The following HEMK1 variants were observed in gnomAD, a reference collection of about 807,000 sequenced individuals.
HEMK1 encodes the protein HemK methyltransferase 1, mitochondrial release factors N(5)-glutamine.
HEMK1 carries 36 observed loss-of-function variants against 47.9 expected under a neutral mutation model. The observed-to-expected ratio is 0.75, with a 90% CI of 0.58 to 0.99. HEMK1 has a LOEUF of 0.99. Ranked by LOEUF, HEMK1 falls within the 50% of genes least tolerant of loss-of-function variation. HEMK1 has a pLI of 0.00. For synonymous variants in HEMK1, 153 were observed against 165.4 expected, an observed-to-expected ratio of 0.93 and a Z score of 0.57; for missense variants, 383 against 434.5, an observed-to-expected ratio of 0.88 and a Z score of 1.05.
At chr3:50,579,771 C>A in intron 8 of HEMK1, 73 bp from the exon 9 acceptor site, 2 of 1,077,604 alleles carry the variant, frequency 1.9e-6, no homozygotes, top group Non-Finnish European at 2.8e-6. Context: ...TTCATGGAGG[C>A]CTTGCCCATG....
chr3:50,577,344 A>C (rs1360020056), intron 5 of HEMK1, among the ~76,000 whole-genome samples, 158 bp downstream of exon 5: 1 of 152,226 alleles, frequency 6.6e-6, no homozygotes, highest in Non-Finnish European at 1.5e-5. Context: ...CACAGACTCT[A>C]ACGCCTACCA....
rs932882802 is a variant in HEMK1, at chr3:50,584,582, C to G, written c.*4165C>G. ...AATGGAAGCAGAGGTCAGAGTGATGCAATTGCTGGAGGAAGAGCCATGAGC... is the reference window on the plus strand; with the variant it reads ...AATGGAAGCAGAGGTCAGAGTGATGGAATTGCTGGAGGAAGAGCCATGAGC... On this transcript the variant is annotated 3_prime_UTR_variant, in exon 11 of 11. Transcript: ENST00000232854. 6.6e-6 allele frequency: 1 copy of G among 152,142 alleles called. No homozygotes were observed. The highest frequency in any genetic ancestry group is 2.4e-5 in the African/African-American group (1 of 41,414). The allele number at this position is 152,142 out of a possible 1,614,324, so 9.4% of individuals were successfully genotyped here.
chr3:50,577,831 G>A lies in HEMK1; in HGVS notation c.620G>A (p.Arg207Gln), dbSNP rs149994034. Residue 207 changes from arginine to glutamine, a missense_variant, in exon 7 of 11, where the codon CGG (arginine) becomes CAG (glutamine). Transcript: ENST00000232854. ...SLTHENAQRL[R>Q]LQDRIWIIHL... is the part of the protein sequence containing the mutation. ...CTTTCTCCCTGTCTGTGTAGGCTTC[G>A]GTTGCAGGACAGGATTTGGATCATC... The A allele has an allele frequency of 6.2e-4, 999 of 1,614,038 alleles. 1 individual carries two copies. In the African/African-American group the frequency reaches 0.011, roughly 18 times the overall value.
In HEMK1 at chr3:50,592,121, GA is replaced by G. The variant is rs1311382540; in HGVS notation, c.*11708del. 2.0e-5 allele frequency: 3 copies of G among 151,186 alleles called. No individual in the cohort carries two copies. The highest frequency in any genetic ancestry group is 3.9e-4 in the East Asian group (2 of 5,168). 9.4% of individuals were successfully genotyped at this position (151,186 alleles called of 1,614,324 possible). A position where few individuals can be genotyped will look rare whatever the true frequency, so the allele number is the denominator to read the frequency against. ...GCATCAGAAAAAAAAAAAAAAGAAA[GA>G]AAAGAGAGCCAAAGCTCAGAGAGGG... is the stretch of plus-strand genomic sequence containing the variant. On this transcript the variant is annotated 3_prime_UTR_variant, in exon 11 of 11. Transcript: ENST00000232854.
rs1018709839 is a variant in HEMK1 at position 50,581,980 on chromosome 3, T to C, written c.*1563T>C. On this transcript the variant is annotated 3_prime_UTR_variant, in exon 11 of 11. Coordinates refer to ENST00000232854, the MANE Select transcript of HEMK1 (RefSeq NM_016173.5). ...ACCAGGGCAAGGCTCCCCACTTCCTTAGTCCCCCATGCTCACAGACCTTTG... is the reference window on the plus strand; with the variant it reads ...ACCAGGGCAAGGCTCCCCACTTCCTCAGTCCCCCATGCTCACAGACCTTTG... 2.0e-5 allele frequency: 3 copies of C among 152,328 alleles called. No homozygotes were observed. The highest frequency in any genetic ancestry group is 7.2e-5 in the African/African-American group (3 of 41,442). The allele number at this position is 152,328 out of a possible 1,614,324, so 9.4% of individuals were successfully genotyped here.
rs1187396812 is a variant in HEMK1, at chr3:50,594,533, G to C, written c.*14116G>C. On this transcript the variant is annotated 3_prime_UTR_variant, in exon 11 of 11. Transcript: ENST00000232854. ...CAGGCCCCCATCACAGTCTGGTGGG[G>C]TCCAAGCAGTTCACATCCCCTCTCA... The C allele has an allele frequency of 6.6e-6, 1 of 152,318 alleles. No individual in the cohort carries two copies. Among genetic ancestry groups the C allele is most frequent in the Non-Finnish European group, 1.5e-5 (1 of 68,090 alleles). 9.4% of individuals were successfully genotyped at this position (152,318 alleles called of 1,614,324 possible). A position where few individuals can be genotyped will look rare whatever the true frequency, so the allele number is the denominator to read the frequency against.
At position 50,592,259 on chromosome 3, in the gene HEMK1, C is replaced by G. The variant is rs913831473; in HGVS notation, c.*11842C>G. On this transcript the variant is annotated 3_prime_UTR_variant, in exon 11 of 11. Transcript: ENST00000232854. The stretch of plus-strand genomic sequence containing the variant: ...TGGCTTCATGCTTGGAGCTTGGCAC[C>G]CCCTGAGAACCACACTCCGTTGACC... The G allele has an allele frequency of 3.3e-5, 5 of 152,038 alleles. No individual in the cohort carries two copies. The East Asian group carries it at 9.6e-4, about 29-fold the overall frequency. The allele number at this position is 152,038 out of a possible 1,614,324, so 9.4% of individuals were successfully genotyped here.
Position 50,579,894 on chromosome 3 carries a change from T to A in HEMK1, c.821T>A (p.Ile274Asn). 6.2e-7 allele frequency: 1 copy of A among 1,614,044 alleles called. No homozygotes were observed. Among genetic ancestry groups the A allele is most frequent in the South Asian group, 1.1e-5 (1 of 91,074 alleles). ...GGTGGGGAGGAGGGCATGGACATCATTACCCACATTCTGGCCTTGGCACCC... is the reference window on the plus strand; with the variant it reads ...GGTGGGGAGGAGGGCATGGACATCAATACCCACATTCTGGCCTTGGCACCC... ...LDGGEEGMDI[I>N]THILALAPRL... The change falls in exon 9 of 11, where the codon ATT (isoleucine) becomes AAT (asparagine). Residue 274 changes from isoleucine (I) to asparagine (N), a missense_variant. Physicochemically the swap from Ile to Asn is moderately radical, Grantham distance 149 (BLOSUM62 -3). Transcript: ENST00000232854.
In HEMK1 at chr3:50,581,673, AG is replaced by A. The variant is rs2030828747; in HGVS notation, c.*1258del. ...TTCGCCAGGCATGGAGAGCAAGAGA[AG>A]GTATGTACTGCCTGAGGTCACATGA... On this transcript the variant is annotated 3_prime_UTR_variant, in exon 11 of 11. Coordinates refer to ENST00000232854, the MANE Select transcript of HEMK1 (RefSeq NM_016173.5). 1 of 152,264 alleles carries A rather than the reference AG, an allele frequency of 6.6e-6. No homozygotes were observed. The highest frequency in any genetic ancestry group is 2.1e-4 in the South Asian group (1 of 4,836). 9.4% of individuals were successfully genotyped at this position (152,264 alleles called of 1,614,324 possible). A position where few individuals can be genotyped will look rare whatever the true frequency, so the allele number is the denominator to read the frequency against.
chr3:50,577,249 C>A, intron 5 of HEMK1, 63 bp downstream of exon 5: 1 of 1,540,454 alleles, frequency 6.5e-7, no homozygotes, highest in Non-Finnish European at 8.8e-7. Flanking sequence ...CCCATTAGTG[C>A]TTCCCCCACA....
At chr3:50,572,609 C>T (rs1701129035) in intron 4 of HEMK1, among the ~76,000 whole-genome samples, 1 of 152,210 alleles carries the variant, frequency 6.6e-6, no homozygotes, top group Non-Finnish European at 1.5e-5. Flanking sequence ...ACCTGGAGAC[C>T]TGGTATCAGC....
At chr3:50,573,706 A>G (rs1181346052) in intron 4 of HEMK1, among the ~76,000 whole-genome samples, 2 of 152,238 alleles carry the variant, frequency 1.3e-5, no homozygotes, top group East Asian at 3.9e-4. Flanking sequence ...TGCCTTACCA[A>G]GAACTCAAGA....
rs1381179267 is a variant in HEMK1, at chr3:50,593,640, T to C, written c.*13223T>C. On this transcript the variant is annotated 3_prime_UTR_variant, in exon 11 of 11. Transcript: ENST00000232854. ...TTTATCTTATAACTGGACACCTTTTTGTTTTCTCTTACAAGATGTGCTTGT... is the reference window on the plus strand; with the variant it reads ...TTTATCTTATAACTGGACACCTTTTCGTTTTCTCTTACAAGATGTGCTTGT... The C allele has an allele frequency of 6.6e-6, 1 of 152,246 alleles. No homozygotes were observed. The highest frequency in any genetic ancestry group is 2.4e-5 in the African/African-American group (1 of 41,452). 9.4% of individuals were successfully genotyped at this position (152,246 alleles called of 1,614,324 possible).
chr3:50,576,055 C>T (rs1482941574), intron 4 of HEMK1, among the ~76,000 whole-genome samples: 1 of 152,268 alleles, frequency 6.6e-6, no homozygotes, highest in Non-Finnish European at 1.5e-5. Flanking sequence ...CCTCCCTCTG[C>T]ACCCATGCCT....
chr3:50,571,788 C>A lies in HEMK1; in HGVS notation c.307C>A (p.Arg103Ser). ...QLQCIRELSS[R>S]RLQRMPVQYI... is the part of the protein sequence containing the mutation. ...ACAGTGTATCCGGGAGCTGAGTAGC[C>A]GTCGATTGCAGAGGTGAGCACCCAT... is the stretch of plus-strand genomic sequence containing the variant. The change falls in exon 3 of 11, where the codon CGT becomes AGT. Residue 103 changes from arginine to serine, a missense_variant. Coordinates refer to ENST00000232854, the MANE Select transcript of HEMK1 (RefSeq NM_016173.5). 7 of 1,614,044 alleles carry A rather than the reference C, an allele frequency of 4.3e-6. No individual in the cohort carries two copies. Among genetic ancestry groups the A allele is most frequent in the Non-Finnish European group, 5.9e-6 (7 of 1,179,952 alleles).
rs1172565223 is a variant in HEMK1, at chr3:50,594,790, A to G, written c.*14373A>G. On this transcript the variant is annotated 3_prime_UTR_variant, in exon 11 of 11. Transcript: ENST00000232854. Reference sequence around the variant, plus strand: ...TGAAGACTGAGCCTCAGTTGCCTACAGAAGGAACCCACTCATAAACCCACC... The same window carrying G: ...TGAAGACTGAGCCTCAGTTGCCTACGGAAGGAACCCACTCATAAACCCACC... 1 of 152,228 alleles carries G rather than the reference A, an allele frequency of 6.6e-6. No individual in the cohort carries two copies. Among genetic ancestry groups the G allele is most frequent in the Non-Finnish European group, 1.5e-5 (1 of 68,044 alleles). 9.4% of individuals were successfully genotyped at this position (152,228 alleles called of 1,614,324 possible). A position where few individuals can be genotyped will look rare whatever the true frequency, so the allele number is the denominator to read the frequency against.
rs1264466287 is a variant in HEMK1, at chr3:50,590,625, A to G, written c.*10208A>G. 4.0e-5 allele frequency: 6 copies of G among 150,978 alleles called. No individual in the cohort carries two copies. The highest frequency in any genetic ancestry group is 8.8e-5 in the Non-Finnish European group (6 of 67,848). 9.4% of individuals were successfully genotyped at this position (150,978 alleles called of 1,614,324 possible). On this transcript the variant is annotated 3_prime_UTR_variant, in exon 11 of 11. Coordinates refer to ENST00000232854, the MANE Select transcript of HEMK1 (RefSeq NM_016173.5). ...TGGGGTGGGGCATCTGGGGCACTTG[A>G]TGCCCCACGTGACCATTCCCTTCCC...
Position 50,584,621 on chromosome 3 carries a change from C to G in HEMK1, c.*4204C>G, listed in dbSNP as rs1200262155. 1.3e-5 allele frequency: 2 copies of G among 152,182 alleles called. No homozygotes were observed. The highest frequency in any genetic ancestry group is 4.1e-4 in the South Asian group (2 of 4,828). The allele number at this position is 152,182 out of a possible 1,614,324, so 9.4% of individuals were successfully genotyped here. Reference sequence around the variant, plus strand: ...AGAGCCATGAGCCGAGGAATGCAGACAGCCTCTTCTCCTCTGGGGCCTCAA... The same window carrying G: ...AGAGCCATGAGCCGAGGAATGCAGAGAGCCTCTTCTCCTCTGGGGCCTCAA... On this transcript the variant is annotated 3_prime_UTR_variant, in exon 11 of 11. Coordinates refer to ENST00000232854, the MANE Select transcript of HEMK1 (RefSeq NM_016173.5).
Position 50,588,167 on chromosome 3 carries a change from T to A in HEMK1, c.*7750T>A, listed in dbSNP as rs773211214. On this transcript the variant is annotated 3_prime_UTR_variant, in exon 11 of 11. Transcript: ENST00000232854. ...TGAGGTAGAGTTGTGAAGACCACTC[T>A]CCTAGACCTGAGTGCTGGCGACAAC... 1.3e-5 allele frequency: 2 copies of A among 152,230 alleles called. No individual in the cohort carries two copies. Among genetic ancestry groups the A allele is most frequent in the Non-Finnish European group, 2.9e-5 (2 of 68,058 alleles). The allele number at this position is 152,230 out of a possible 1,614,324, so 9.4% of individuals were successfully genotyped here.
Sources: gnomAD v4.1 joint callset for allele counts (sites outside exome capture counted in the v4.1 genomes callset) on GRCh38, gnomAD v4.1.1 for gene constraint, MANE v1.5 for transcripts, NCBI Gene and HGNC (gene_info 2026-07-23, HGNC 2026-07-21) for gene names.